The following HSBP1L1 variants were observed in gnomAD, a reference collection of about 807,000 sequenced individuals.
HSBP1L1 encodes heat shock factor-binding protein 1-like protein 1.
In HSBP1L1, 8 loss-of-function variants were observed where a neutral mutation model predicts 9.7. That is an observed-to-expected ratio of 0.82 (90% CI 0.48 to 1.48). HSBP1L1 has a LOEUF of 1.48. Among genes scored for constraint, HSBP1L1 ranks in the 40% most tolerant of loss-of-function variants. The pLI is 0.00. For synonymous variants in HSBP1L1, 39 were observed against 34.4 expected (o/e 1.13, Z -0.46); for missense variants, 106 against 95.8 (o/e 1.11, Z -0.44).
chr18:79,967,755 A>C, intron 2 of HSBP1L1: 1 of 187,680 alleles, frequency 5.3e-6, no homozygotes, highest in Non-Finnish European at 1.1e-5. Context: ...GCCTGGGGGA[A>C]GAGCAAGACC....
At position 79,964,753 on chromosome 18, in the gene HSBP1L1, TG is replaced by T; in HGVS notation, c.19del (p.Glu7LysfsTer26). 7.1e-7 allele frequency: 1 copy of T among 1,410,228 alleles called. No individual in the cohort carries two copies. Among genetic ancestry groups the T allele is most frequent in the Non-Finnish European group, 9.2e-7 (1 of 1,083,414 alleles). The allele number at this position is 1,410,228 out of a possible 1,614,324, so 87.4% of individuals were successfully genotyped here. On this transcript the variant is annotated frameshift_variant, in exon 1 of 4. Transcript: ENST00000451882. LOFTEE classifies it high-confidence loss of function. Reference sequence around the variant, plus strand: ...CGGTCCACATGGACGTGCGGGGCCCTGAAGCCCCCGGCGGGCGCGCGCTGCG... The same window carrying T: ...CGGTCCACATGGACGTGCGGGGCCCTAAGCCCCCGGCGGGCGCGCGCTGCG... MDVRGPEAPGGRALRDA... is the reference protein window; with the variant it reads MDVRGPXAPGGRALRDA...
chr18:79,970,442 G>T lies in HSBP1L1; in HGVS notation c.216G>T (p.Leu72=). Residue 72 remains leucine (L), a splice_region_variant and synonymous_variant, in exon 4 of 4, where the codon CTG becomes CTT. Transcript: ENST00000451882. ...GIENSIKEQM[L]KT is the part of the protein sequence containing the mutation. ...AACGTTTATGTCTCCCTAAATAGCT[G>T]AAGACCTAACTGCAGCATGTCTGTA... 1 of 718,566 alleles carries T rather than the reference G, an allele frequency of 1.4e-6. No individual in the cohort carries two copies. The highest frequency in any genetic ancestry group is 2.6e-6 in the Non-Finnish European group (1 of 385,048). The allele number at this position is 718,566 out of a possible 1,614,324, so 44.5% of individuals were successfully genotyped here.
chr18:79,969,249 G>GGAGA (rs1287004328), intron 3 of HSBP1L1, among the ~76,000 whole-genome samples: 4 of 46,976 alleles, frequency 8.5e-5, no homozygotes, highest in Non-Finnish European at 1.4e-4. Context: ...AGAGAGGAGA[G>GGAGA]GAGAGAGAGA....
intron 2 of HSBP1L1, among the ~76,000 whole-genome samples, chr18:79,967,310 C>A (rs1165419273): frequency 1.3e-5 from 2 of 152,154 alleles, no homozygotes; most frequent in Non-Finnish European, 2.9e-5. Context: ...CCCCACAGAG[C>A]ATAACACTGA....
At chr18:79,966,273 G>A (rs2051256728) in intron 1 of HSBP1L1, among the ~76,000 whole-genome samples, 2 of 152,178 alleles carry the variant, frequency 1.3e-5, no homozygotes, top group Admixed American at 1.3e-4. Flanking sequence ...GCCAGGTGTG[G>A]TGGCTCATGC....
intron 3 of HSBP1L1, among the ~76,000 whole-genome samples, chr18:79,969,333 AAG>A (rs2051278748): frequency 1.2e-4 from 2 of 16,652 alleles, no homozygotes; most frequent in Non-Finnish European, 2.3e-4. Flanking sequence ...AAGAAAGAAA[AAG>A]AAAGAAAGAA....
chr18:79,967,880 C>T (rs1384746671), intron 2 of HSBP1L1: 10 of 437,678 alleles, frequency 2.3e-5, no homozygotes, highest in Non-Finnish European at 4.0e-5. Context: ...AGGGGAGCCA[C>T]GTTTTCTAAG....
intron 3 of HSBP1L1, among the ~76,000 whole-genome samples, chr18:79,968,461 G>C (rs560291491): frequency 1.3e-5 from 2 of 152,108 alleles, no homozygotes; most frequent in Admixed American, 6.5e-5. Context: ...CAGGTAGCTG[G>C]AACTACAGAC....
intron 3 of HSBP1L1, among the ~76,000 whole-genome samples, chr18:79,969,331 A>AAGAAAAAG (rs1351455464): frequency 5.6e-5 from 4 of 72,022 alleles, no homozygotes; most frequent in African/African-American, 2.3e-4. Context: ...GAAAGAAAGA[A>AAGAAAAAG]AAAGAAAGAA....
rs748257920 is a variant in HSBP1L1 at position 79,968,074 on chromosome 18, G to T, written c.119-15G>T. On this transcript the variant is annotated splice_polypyrimidine_tract_variant and intron_variant, in intron 2 of 3. Transcript: ENST00000451882. ...TCTGGACTCCAGCTCTACGCAGAGCGCCTTAACACTGTACTGGAAGAAATG... is the reference window on the plus strand; with the variant it reads ...TCTGGACTCCAGCTCTACGCAGAGCTCCTTAACACTGTACTGGAAGAAATG... 2 of 1,506,890 alleles carry T rather than the reference G, an allele frequency of 1.3e-6. No homozygotes were observed. The highest frequency in any genetic ancestry group is 2.5e-5 in the East Asian group (1 of 40,636). The allele number at this position is 1,506,890 out of a possible 1,614,324, so 93.3% of individuals were successfully genotyped here.
At chr18:79,966,544 GAAAA>G in intron 1 of HSBP1L1, 64 bp from the exon 2 acceptor site, 1 of 1,032,410 alleles carries the variant, frequency 9.7e-7, no homozygotes, top group Admixed American at 2.7e-5. Flanking sequence ...CTTCATCTCA[GAAAA>G]AAAAAAAAAC....
In HSBP1L1 at chr18:79,970,730, G is replaced by C; in HGVS notation, c.*279G>C. 2.3e-6 allele frequency: 1 copy of C among 436,614 alleles called. No homozygotes were observed. The highest frequency in any genetic ancestry group is 3.9e-5 in the South Asian group (1 of 25,696). 27.0% of individuals were successfully genotyped at this position (436,614 alleles called of 1,614,324 possible). On this transcript the variant is annotated 3_prime_UTR_variant, in exon 4 of 4. Transcript: ENST00000451882. ...TTCTGTTGTTTAAACCACCCAATCT[G>C]AAGTATTTTGTTATGGCAGTCCTGG...
intron 3 of HSBP1L1, 160 bp from the exon 4 acceptor site, chr18:79,970,280 A>G: frequency 1.6e-6 from 1 of 624,336 alleles, no homozygotes; most frequent in Non-Finnish European, 3.0e-6. Flanking sequence ...GACAGCAGGT[A>G]CATAATGAGA....
Position 79,966,086 on chromosome 18 carries a change from T to C in HSBP1L1, c.52-526T>C, listed in dbSNP as rs561778875. Among the ~76,000 whole-genome samples the C allele has an allele frequency of 4.9e-4, 75 of 152,162 alleles. No individual in the cohort carries two copies. The East Asian group carries it at 0.013, about 27-fold the overall frequency. ...AGCTGGGACTACAGGCGCCCGCCAC[T>C]GCACCCAGCTAATTTTTTGTATTTT... is the stretch of plus-strand genomic sequence containing the variant. On this transcript the variant is annotated intron_variant, in intron 1 of 3. Transcript: ENST00000451882.
Position 79,964,803 on chromosome 18 carries a change from C to G in HSBP1L1, c.51+17C>G. ...CGGGACGCGGTGAGCCCCTCCCCGACTCCTGCTTCTCTCTGGATGGGGGCG... is the reference window on the plus strand; with the variant it reads ...CGGGACGCGGTGAGCCCCTCCCCGAGTCCTGCTTCTCTCTGGATGGGGGCG... On this transcript the variant is annotated intron_variant, in intron 1 of 3. Coordinates refer to ENST00000451882, the MANE Select transcript of HSBP1L1 (RefSeq NM_001136180.2). The G allele has an allele frequency of 7.4e-7, 1 of 1,343,110 alleles. No individual in the cohort carries two copies. The highest frequency in any genetic ancestry group is 9.6e-7 in the Non-Finnish European group (1 of 1,045,924). The allele number at this position is 1,343,110 out of a possible 1,614,324, so 83.2% of individuals were successfully genotyped here.
At chr18:79,966,557 A>C (rs1023040213) in intron 1 of HSBP1L1, 55 bp from the exon 2 acceptor site, 22 of 1,323,970 alleles carry the variant, frequency 1.7e-5, no homozygotes, top group Admixed American at 2.4e-5. Context: ...AAAAAAAAAA[A>C]CTCATATGCC....
intron 2 of HSBP1L1, 46 bp downstream of exon 2, chr18:79,966,724 G>T (rs1362715065): frequency 5.3e-6 from 7 of 1,323,816 alleles, no homozygotes; most frequent in East Asian, 2.5e-5. Context: ...TTTCGGACTG[G>T]TAGATTATCA....
chr18:79,969,690 C>T (rs1351687100), intron 3 of HSBP1L1, among the ~76,000 whole-genome samples: 3 of 152,290 alleles, frequency 2.0e-5, no homozygotes, highest in Admixed American at 6.5e-5. Context: ...AACCTTCAGA[C>T]GTTTATTCTG....
At chr18:79,964,995 G>A (rs898232414) in intron 1 of HSBP1L1, among the ~76,000 whole-genome samples, 4 of 134,174 alleles carry the variant, frequency 3.0e-5, no homozygotes, top group Non-Finnish European at 6.4e-5. Context: ...TCCTGGGGGG[G>A]CCCCTGAAGA....
Sources: gnomAD v4.1 joint callset for allele counts (sites outside exome capture counted in the v4.1 genomes callset) on GRCh38, gnomAD v4.1.1 for gene constraint, MANE v1.5 for transcripts, NCBI Gene and HGNC (gene_info 2026-07-23, HGNC 2026-07-21) for gene names.